The following NUTM2E variants were observed in gnomAD, a reference collection of about 807,000 sequenced individuals.
NUTM2E encodes the protein family with sequence similarity 22, member E.
Under a neutral mutation model 26.1 loss-of-function variants are expected in NUTM2E, and 3 were observed. That is an observed-to-expected ratio of 0.12 (90% CI 0.05 to 0.30). The LOEUF (loss-of-function observed/expected upper bound fraction) is 0.30, where lower values mean the gene tolerates loss of function less well. NUTM2E is among the 10% of genes least tolerant of loss of function. The probability of loss-of-function intolerance (pLI) is 1.00; values close to 1 mark genes in which losing one functional copy is unlikely to be tolerated. For missense variants in NUTM2E, 62 were observed against 381.3 expected, an observed-to-expected ratio of 0.16 and a Z score of 6.97; for synonymous variants, 13 against 157.5, an observed-to-expected ratio of 0.08 and a Z score of 6.87.
At position 79,832,493 on chromosome 10, in the gene NUTM2E, C is replaced by T. The variant is rs1393494410; in HGVS notation, c.-2728+5136C>T. ...GTATGAGGCATAGTTGGTGACTGAG[C>T]TTTCATGTGGTAATCTGAGGTGAAT... is the stretch of plus-strand genomic sequence containing the variant. On this transcript the variant is annotated intron_variant, in intron 1 of 9. Coordinates refer to ENST00000429984, the MANE Select transcript of NUTM2E (RefSeq NM_001355263.2). Among the ~76,000 whole-genome samples the T allele has an allele frequency of 5.3e-5, 8 of 151,572 alleles. No individual in the cohort carries two copies. In the South Asian group the frequency reaches 8.4e-4, roughly 16 times the overall value.
intron 1 of NUTM2E, among the ~76,000 whole-genome samples, chr10:79,829,586 A>G (rs1160925185): frequency 2.6e-5 from 4 of 151,968 alleles, no homozygotes; most frequent in South Asian, 2.1e-4. Flanking sequence ...AATGGTATCT[A>G]TGACTCAATA....
At chr10:79,832,864 T>C (rs1841935464) in intron 1 of NUTM2E, among the ~76,000 whole-genome samples, 1 of 151,614 alleles carries the variant, frequency 6.6e-6, no homozygotes, top group African/African-American at 2.4e-5. Flanking sequence ...AGAAACAGTG[T>C]ATGTGTGTGT....
chr10:79,839,061 C>T lies in NUTM2E; in HGVS notation c.-2168C>T, dbSNP rs1278288874. 6.6e-5 allele frequency among the ~76,000 whole-genome samples: 10 copies of T among 150,950 alleles called. No individual in the cohort carries two copies. Among genetic ancestry groups the T allele is most frequent in the African/African-American group, 1.5e-4 (6 of 41,112 alleles). On this transcript the variant is annotated 5_prime_UTR_variant, in exon 3 of 10. Transcript: ENST00000429984. ...GACAACGCCCCCTCATTGGAACCTCCATGACCGTGCCTCTGAGAAACCAGC... is the reference window on the plus strand; with the variant it reads ...GACAACGCCCCCTCATTGGAACCTCTATGACCGTGCCTCTGAGAAACCAGC...
intron 1 of NUTM2E, among the ~76,000 whole-genome samples, chr10:79,833,599 G>GA (rs1457391041): frequency 2.6e-5 from 4 of 151,426 alleles, no homozygotes; most frequent in African/African-American, 4.8e-5. Context: ...CCAAAAACGT[G>GA]AAAAAAAGCT....
intron 1 of NUTM2E, among the ~76,000 whole-genome samples, chr10:79,834,328 ACAT>A: frequency 6.6e-6 from 1 of 151,854 alleles, no homozygotes; most frequent in African/African-American, 2.4e-5. Context: ...CATCTTCTAC[ACAT>A]GTATAACTTA....
chr10:79,838,292 A>G lies in NUTM2E; in HGVS notation c.-2727-17A>G, dbSNP rs2478681. Among the ~76,000 whole-genome samples the G allele has an allele frequency of 0.66, 17,029 of 25,960 alleles. 7,030 individuals carry two copies. The highest frequency in any genetic ancestry group is 1 in the East Asian group (1,907 of 1,912). The allele number at this position is 25,960 out of a possible 152,430, so 17.0% of individuals were successfully genotyped here. A position where few individuals can be genotyped will look rare whatever the true frequency, so the allele number is the denominator to read the frequency against. On this transcript the variant is annotated splice_polypyrimidine_tract_variant and intron_variant, in intron 1 of 9. Coordinates refer to ENST00000429984, the MANE Select transcript of NUTM2E (RefSeq NM_001355263.2). ...GTGAACAAACTATGACTAAAGGCCT[A>G]TTCTTCCACTTTGCAGCTGCTCCTA...
chr10:79,838,616 C>T (rs1443238823), intron 2 of NUTM2E, among the ~76,000 whole-genome samples, 30 bp downstream of exon 2: 1 of 148,906 alleles, frequency 6.7e-6, no homozygotes, highest in Non-Finnish European at 1.5e-5. Context: ...GCGGCCTGGG[C>T]ATCCCGCAGG....
rs1223862580 is a variant in NUTM2E, at chr10:79,829,601, T to C, written c.-2728+2244T>C. Among the ~76,000 whole-genome samples, 8 of 152,050 alleles carry C rather than the reference T, an allele frequency of 5.3e-5. No homozygotes were observed. In the East Asian group the frequency reaches 1.5e-3, roughly 29 times the overall value. On this transcript the variant is annotated intron_variant, in intron 1 of 9. Coordinates refer to ENST00000429984, the MANE Select transcript of NUTM2E (RefSeq NM_001355263.2). ...AATGGTATCTATGACTCAATATTTC[T>C]TCCCATACCCTCAGTGACTTACGGT...
chr10:79,839,555 C>A (rs879515064), intron 3 of NUTM2E, among the ~76,000 whole-genome samples, 73 bp from the exon 4 acceptor site: 2 of 143,814 alleles, frequency 1.4e-5, no homozygotes, highest in South Asian at 2.3e-4. Context: ...AGTAGAGAAG[C>A]AACTCACTGA....
chr10:79,829,845 T>G (rs917185101), intron 1 of NUTM2E, among the ~76,000 whole-genome samples: 2 of 151,594 alleles, frequency 1.3e-5, no homozygotes, highest in African/African-American at 4.8e-5. Context: ...GGAGCTGATG[T>G]AAAGGACATC....
chr10:79,828,300 G>A (rs1841902675), intron 1 of NUTM2E, among the ~76,000 whole-genome samples: 2 of 151,974 alleles, frequency 1.3e-5, no homozygotes, highest in Admixed American at 1.3e-4. Flanking sequence ...CTGTATAGGA[G>A]CCTAACACGA....
At chr10:79,833,916 G>A (rs1841944326) in intron 1 of NUTM2E, among the ~76,000 whole-genome samples, 2 of 151,844 alleles carry the variant, frequency 1.3e-5, no homozygotes, top group South Asian at 2.1e-4. Flanking sequence ...GCACATGTAT[G>A]TTTATTGCAG....
At position 79,827,202 on chromosome 10, in the gene NUTM2E, G is replaced by A. The variant is rs1409764337; in HGVS notation, c.-2883G>A. ...CGAGGGGCGGCAGGGCCCCATCTGT[G>A]TCTTTCGCTCTCGAGCCCCCAGCTA... On this transcript the variant is annotated 5_prime_UTR_variant, in exon 1 of 10. Transcript: ENST00000429984. 1 of 152,604 alleles carries A rather than the reference G, an allele frequency of 6.6e-6. No individual in the cohort carries two copies. Among genetic ancestry groups the A allele is most frequent in the Non-Finnish European group, 1.5e-5 (1 of 67,644 alleles). The allele number at this position is 152,604 out of a possible 1,614,324, so 9.5% of individuals were successfully genotyped here.
chr10:79,842,743 CT>C lies in NUTM2E; in HGVS notation c.382+624del, dbSNP rs567418706. 3.7e-5 allele frequency among the ~76,000 whole-genome samples: 4 copies of C among 107,798 alleles called. No individual in the cohort carries two copies. In the East Asian group the frequency reaches 8.6e-4, roughly 23 times the overall value. The allele number at this position is 107,798 out of a possible 152,430, so 70.7% of individuals were successfully genotyped here. On this transcript the variant is annotated intron_variant, in intron 4 of 9. Transcript: ENST00000429984. ...CTCCGTCAGTTCAGGTAGCTGTTGG[CT>C]TTGATTTAACAGGGGTGGGGGCAGA... is the stretch of plus-strand genomic sequence containing the variant.
chr10:79,837,992 C>T (rs896557292), intron 1 of NUTM2E, among the ~76,000 whole-genome samples: 3 of 151,340 alleles, frequency 2.0e-5, no homozygotes, highest in African/African-American at 7.3e-5. Context: ...CAGAAACAAA[C>T]ATTTTTCTCT....
Position 79,827,064 on chromosome 10 carries a change from A to G in NUTM2E, c.-3021A>G, listed in dbSNP as rs1446984644. ...TGGATACCAGCCTTAAATCGAGCCGACTACGGCCCAGCCCCGCCCGCGGCG... is the reference window on the plus strand; with the variant it reads ...TGGATACCAGCCTTAAATCGAGCCGGCTACGGCCCAGCCCCGCCCGCGGCG... On this transcript the variant is annotated 5_prime_UTR_variant, in exon 1 of 10. Transcript: ENST00000429984. 3 of 150,216 alleles carry G rather than the reference A, an allele frequency of 2.0e-5. 1 individual carries two copies. Among genetic ancestry groups the G allele is most frequent in the Non-Finnish European group, 4.5e-5 (3 of 67,344 alleles). The allele number at this position is 150,216 out of a possible 1,614,324, so 9.3% of individuals were successfully genotyped here.
chr10:79,832,548 A>C (rs1841933769), intron 1 of NUTM2E, among the ~76,000 whole-genome samples: 1 of 151,732 alleles, frequency 6.6e-6, no homozygotes. Context: ...TATAACTCAC[A>C]TAAATTCACA....
chr10:79,827,684 G>C (rs1841894736), intron 1 of NUTM2E: 1 of 150,380 alleles, frequency 6.6e-6, no homozygotes. Flanking sequence ...AGCCCAGAAA[G>C]AACTAACAAA....
At chr10:79,834,599 C>G (rs1380675839) in intron 1 of NUTM2E, among the ~76,000 whole-genome samples, 1 of 149,216 alleles carries the variant, frequency 6.7e-6, no homozygotes, top group Non-Finnish European at 1.5e-5. Flanking sequence ...ACCCGGGAGA[C>G]AGAGGTTTCA....
Sources: gnomAD v4.1 joint callset for allele counts (sites outside exome capture counted in the v4.1 genomes callset) on GRCh38, gnomAD v4.1.1 for gene constraint, MANE v1.5 for transcripts, NCBI Gene and HGNC (gene_info 2026-07-23, HGNC 2026-07-21) for gene names.